KCNN3: variants seen among roughly 807,000 people sequenced by gnomAD.
KCNN3 encodes potassium calcium-activated channel subfamily N member 3, also known as small conductance calcium-activated potassium channel protein 3.
In KCNN3, 16 loss-of-function variants were observed where a neutral mutation model predicts 62.9. That is an observed-to-expected ratio of 0.25 (90% CI 0.17 to 0.39). KCNN3 has a LOEUF of 0.39. Ranked by LOEUF, KCNN3 falls within the 10% of genes least tolerant of loss-of-function variation. The pLI, the probability that KCNN3 is intolerant of heterozygous loss-of-function variation, is 1.00. For synonymous variants in KCNN3, 370 were observed against 389.2 expected (o/e 0.95, Z 0.58); for missense variants, 599 against 949.4 (o/e 0.63, Z 4.85).
intron 1 of KCNN3, among the ~76,000 whole-genome samples, chr1:154,851,098 C>G (rs533922614): frequency 1.3e-5 from 2 of 152,320 alleles, no homozygotes; most frequent in East Asian, 3.9e-4. Flanking sequence ...CCTGCCTCAG[C>G]CTCCCGAGTA....
intron 1 of KCNN3, among the ~76,000 whole-genome samples, chr1:154,856,356 G>GC (rs543818807): frequency 2.0e-4 from 30 of 152,028 alleles, no homozygotes; most frequent in Non-Finnish European, 3.5e-4. Flanking sequence ...GGAAGATAAC[G>GC]CCCCCCGCAG....
chr1:154,741,404 G>C (rs775449118), intron 3 of KCNN3, among the ~76,000 whole-genome samples: 9 of 152,206 alleles, frequency 5.9e-5, no homozygotes, highest in Non-Finnish European at 1.3e-4. Flanking sequence ...AAATACTTGT[G>C]GACTGACTAA....
At chr1:154,804,219 C>A (rs865867557) in intron 2 of KCNN3, among the ~76,000 whole-genome samples, 4 of 152,334 alleles carry the variant, frequency 2.6e-5, no homozygotes, top group Middle Eastern at 3.4e-3. Flanking sequence ...GCCACTGACA[C>A]CTTTCAGATT....
chr1:154,814,686 G>A (rs772213014), intron 2 of KCNN3, among the ~76,000 whole-genome samples: 91 of 152,302 alleles, frequency 6.0e-4, no homozygotes, highest in African/African-American at 2.0e-3. Flanking sequence ...TCTCTGAGGC[G>A]CTTGCTAATG....
intron 1 of KCNN3, among the ~76,000 whole-genome samples, chr1:154,861,981 CACTGCCCATGACAGAGCTCA>C (rs955452263): frequency 6.6e-6 from 1 of 152,210 alleles, no homozygotes; most frequent in African/African-American, 2.4e-5. Context: ...TCTCGGCACT[CACTGCCCATGACAGAGCTCA>C]ACAGAGGCAT....
At chr1:154,723,161 C>G (rs911279007) in intron 5 of KCNN3, among the ~76,000 whole-genome samples, 3 of 152,184 alleles carry the variant, frequency 2.0e-5, no homozygotes, top group African/African-American at 7.2e-5. Flanking sequence ...AAAGTCAGCT[C>G]AAACCAGAGC....
chr1:154,770,435 C>T (rs1052761694), intron 3 of KCNN3, among the ~76,000 whole-genome samples: 1 of 152,174 alleles, frequency 6.6e-6, no homozygotes, highest in Non-Finnish European at 1.5e-5. Context: ...AGGCTAACTC[C>T]TCTCCAGACT....
chr1:154,819,398 C>A (rs1485421138), intron 2 of KCNN3, among the ~76,000 whole-genome samples: 1 of 152,166 alleles, frequency 6.6e-6, no homozygotes, highest in Non-Finnish European at 1.5e-5. Context: ...CTATACTCTG[C>A]CGAGAAGAGT....
intron 3 of KCNN3, among the ~76,000 whole-genome samples, chr1:154,767,117 G>T (rs1009783658): frequency 1.3e-5 from 2 of 152,124 alleles, no homozygotes; most frequent in African/African-American, 4.8e-5. Flanking sequence ...TCTGAGGCAG[G>T]GGCAGAAGAG....
At chr1:154,856,693 C>G (rs1160079164) in intron 1 of KCNN3, among the ~76,000 whole-genome samples, 1 of 152,138 alleles carries the variant, frequency 6.6e-6, no homozygotes, top group Admixed American at 6.5e-5. Flanking sequence ...ACAGCCCCAG[C>G]GGCCAGGTTA....
At chr1:154,782,721 T>C (rs930358627) in intron 2 of KCNN3, among the ~76,000 whole-genome samples, 2 of 152,216 alleles carry the variant, frequency 1.3e-5, no homozygotes, top group African/African-American at 2.4e-5. Flanking sequence ...TACCATTTCA[T>C]TGCCATCTCA....
chr1:154,800,761 A>G (rs1008645826), intron 2 of KCNN3, among the ~76,000 whole-genome samples: 1 of 152,160 alleles, frequency 6.6e-6, no homozygotes, highest in Non-Finnish European at 1.5e-5. Flanking sequence ...GACTGTATCC[A>G]TCACCAGGTA....
rs2101753167 is a variant in KCNN3 at position 154,707,302 on chromosome 1, A to T, written c.*674T>A. On this transcript the variant is annotated 3_prime_UTR_variant, in exon 8 of 8. Coordinates refer to ENST00000271915, the MANE Select transcript of KCNN3 (RefSeq NM_002249.6). ...TCCCTTTTTATTTGGATTAAGCTCAAATAAGAAAGGACCTGAAGCGAACGT... is the reference window on the plus strand; with the variant it reads ...TCCCTTTTTATTTGGATTAAGCTCATATAAGAAAGGACCTGAAGCGAACGT... 1 of 152,304 alleles carries T rather than the reference A, an allele frequency of 6.6e-6. No individual in the cohort carries two copies. Among genetic ancestry groups the T allele is most frequent in the Admixed American group, 6.5e-5 (1 of 15,300 alleles). The allele number at this position is 152,304 out of a possible 1,614,324, so 9.4% of individuals were successfully genotyped here.
chr1:154,704,677 G>A lies in KCNN3; in HGVS notation c.*3299C>T, dbSNP rs943483674. On this transcript the variant is annotated 3_prime_UTR_variant, in exon 8 of 8. Transcript: ENST00000271915. Reference sequence around the variant, plus strand: ...CTGAGTTGTCAGAAAGATTATAGTAGGGGATCTGCCATTGGGTCAGTCCTC... The same window carrying A: ...CTGAGTTGTCAGAAAGATTATAGTAAGGGATCTGCCATTGGGTCAGTCCTC... 2 of 152,172 alleles carry A rather than the reference G, an allele frequency of 1.3e-5. No individual in the cohort carries two copies. Among genetic ancestry groups the A allele is most frequent in the Admixed American group, 1.3e-4 (2 of 15,282 alleles). The allele number at this position is 152,172 out of a possible 1,614,324, so 9.4% of individuals were successfully genotyped here.
intron 1 of KCNN3, among the ~76,000 whole-genome samples, chr1:154,844,327 T>C (rs1651955947): frequency 6.6e-6 from 1 of 152,246 alleles, no homozygotes; most frequent in Admixed American, 6.5e-5. Flanking sequence ...TTTCTGTCCT[T>C]CTTTCATTAG....
intron 1 of KCNN3, among the ~76,000 whole-genome samples, chr1:154,828,454 C>T (rs553741874): frequency 7.9e-5 from 12 of 152,110 alleles, no homozygotes; most frequent in African/African-American, 2.4e-4. Flanking sequence ...TCCTCAAACA[C>T]AACAAGGCAA....
At chr1:154,846,946 A>G (rs1652087381) in intron 1 of KCNN3, among the ~76,000 whole-genome samples, 1 of 152,122 alleles carries the variant, frequency 6.6e-6, no homozygotes, top group Non-Finnish European at 1.5e-5. Flanking sequence ...CACCACCCAC[A>G]CATGGATGTG....
intron 3 of KCNN3, among the ~76,000 whole-genome samples, chr1:154,742,571 A>G (rs1700845274): frequency 6.6e-6 from 1 of 152,172 alleles, no homozygotes; most frequent in Admixed American, 6.5e-5. Flanking sequence ...TGCTATTTTC[A>G]TCTCGTGTGT....
chr1:154,830,432 C>G (rs1185476396), intron 1 of KCNN3, among the ~76,000 whole-genome samples: 1 of 152,250 alleles, frequency 6.6e-6, no homozygotes, highest in African/African-American at 2.4e-5. Context: ...CCTGCCCTTA[C>G]CGGTCCCACC....
Sources: gnomAD v4.1 joint callset for allele counts (sites outside exome capture counted in the v4.1 genomes callset) on GRCh38, gnomAD v4.1.1 for gene constraint, MANE v1.5 for transcripts, NCBI Gene and HGNC (gene_info 2026-07-23, HGNC 2026-07-21) for gene names.